The following MMP26 variants were observed in gnomAD, a reference collection of about 807,000 sequenced individuals.
MMP26 encodes the protein matrix metalloproteinase-26.
Under a neutral mutation model 31.0 loss-of-function variants are expected in MMP26, and 33 were observed. The ratio of observed to expected loss-of-function variants is 1.06; its 90% CI spans 0.81 to 1.42. The LOEUF is 1.42. Ranked by LOEUF, MMP26 falls within the 40% of genes most tolerant of loss-of-function variation. MMP26 has a pLI of 0.00. For missense variants in MMP26, 347 were observed against 316.1 expected, an observed-to-expected ratio of 1.10 and a Z score of -0.74; for synonymous variants, 122 against 114.9, an observed-to-expected ratio of 1.06 and a Z score of -0.40.
At chr11:4,774,745 G>T (rs529030984) in intron 2 of MMP26, among the ~76,000 whole-genome samples, 12 of 152,174 alleles carry the variant, frequency 7.9e-5, no homozygotes, top group African/African-American at 2.4e-4. Flanking sequence ...TTCTTCTAGG[G>T]TTTTTATAGT....
chr11:4,741,434 A>T (rs1004580907), intron 1 of MMP26, among the ~76,000 whole-genome samples: 3 of 152,364 alleles, frequency 2.0e-5, no homozygotes, highest in Admixed American at 6.5e-5. Context: ...GGGTAAAGAA[A>T]ATATGGTACA....
At chr11:4,925,955 G>A (rs1418367329) in intron 2 of MMP26, among the ~76,000 whole-genome samples, 1 of 152,046 alleles carries the variant, frequency 6.6e-6, no homozygotes, top group African/African-American at 2.4e-5. Flanking sequence ...TATATTCTGT[G>A]CCATTTCCCT....
chr11:4,764,653 G>T (rs921378719), intron 1 of MMP26, among the ~76,000 whole-genome samples: 1 of 152,288 alleles, frequency 6.6e-6, no homozygotes, highest in African/African-American at 2.4e-5. Context: ...GGTGGATCAC[G>T]AGGTCAGGAG....
At chr11:4,758,988 G>A (rs1360254715) in intron 1 of MMP26, among the ~76,000 whole-genome samples, 2 of 151,542 alleles carry the variant, frequency 1.3e-5, no homozygotes, top group Admixed American at 1.3e-4. Flanking sequence ...GTGCATGCCT[G>A]TAATCACAGC....
chr11:4,822,100 G>C (rs748019475), intron 2 of MMP26: 16 of 1,613,142 alleles, frequency 9.9e-6, no homozygotes, highest in Non-Finnish European at 1.4e-5. Flanking sequence ...CATTCGATCT[G>C]TCCTCAGCAT....
intron 2 of MMP26, among the ~76,000 whole-genome samples, chr11:4,977,142 C>T: frequency 6.6e-6 from 1 of 151,128 alleles, no homozygotes; most frequent in Non-Finnish European, 1.5e-5. Context: ...TCTTGTGTTA[C>T]TCATATTTGT....
chr11:4,918,349 G>C (rs1851129703), intron 2 of MMP26, among the ~76,000 whole-genome samples: 1 of 152,098 alleles, frequency 6.6e-6, no homozygotes, highest in South Asian at 2.1e-4. Context: ...TAAATGTCTG[G>C]ATCACATCTT....
chr11:4,938,161 A>G (rs1420798401), intron 2 of MMP26: 1 of 152,160 alleles, frequency 6.6e-6, no homozygotes, highest in Non-Finnish European at 1.5e-5. Flanking sequence ...GAGGACGGTA[A>G]AATTACCCAT....
intron 2 of MMP26, among the ~76,000 whole-genome samples, chr11:4,888,721 A>C (rs1002912413): frequency 8.5e-5 from 13 of 152,186 alleles, no homozygotes; most frequent in African/African-American, 3.1e-4. Flanking sequence ...ATGATAAGGC[A>C]AAAGAATTCC....
chr11:4,764,518 C>T (rs778514908), intron 1 of MMP26, among the ~76,000 whole-genome samples: 58 of 152,154 alleles, frequency 3.8e-4, no homozygotes, highest in Non-Finnish European at 4.9e-4. Context: ...GAGATACTCT[C>T]TTAGGATGAT....
intron 2 of MMP26, among the ~76,000 whole-genome samples, chr11:4,929,951 T>C (rs1851323535): frequency 6.6e-6 from 1 of 152,108 alleles, no homozygotes; most frequent in Non-Finnish European, 1.5e-5. Context: ...AGCAATATGA[T>C]AAAAACAATC....
intron 2 of MMP26, among the ~76,000 whole-genome samples, chr11:4,885,004 T>C (rs907429578): frequency 5.3e-5 from 8 of 152,126 alleles, no homozygotes; most frequent in Non-Finnish European, 7.4e-5. Context: ...TTTCTTCCAG[T>C]TTTATGGCAG....
chr11:4,731,055 C>A (rs1449749823), intron 1 of MMP26, among the ~76,000 whole-genome samples: 3 of 152,124 alleles, frequency 2.0e-5, no homozygotes, highest in Non-Finnish European at 4.4e-5. Flanking sequence ...AGTGATTCTC[C>A]TGCCTCAGCC....
chr11:4,826,922 TC>T (rs933735039), intron 2 of MMP26, among the ~76,000 whole-genome samples: 1 of 152,130 alleles, frequency 6.6e-6, no homozygotes, highest in African/African-American at 2.4e-5. Context: ...ATCCATTGGA[TC>T]CTTTTTCCCA....
chr11:4,793,819 T>C (rs899294326), intron 2 of MMP26: 1 of 152,174 alleles, frequency 6.6e-6, no homozygotes. Context: ...TGGATATGCT[T>C]ACTCTTTACC....
intron 2 of MMP26, among the ~76,000 whole-genome samples, chr11:4,857,938 C>T (rs1210418244): frequency 1.3e-5 from 2 of 152,080 alleles, no homozygotes; most frequent in African/African-American, 2.4e-5. Context: ...AATCAATAAA[C>T]GTAATCCATC....
At chr11:4,777,743 A>T (rs1848807665) in intron 2 of MMP26, among the ~76,000 whole-genome samples, 1 of 152,012 alleles carries the variant, frequency 6.6e-6, no homozygotes, top group Admixed American at 6.6e-5. Context: ...GTGTCTGAGA[A>T]ATTCTTCCAC....
chr11:4,991,939 C>CT (rs137983092), intron 6 of MMP26, 25 bp from the exon 7 acceptor site: 13,739 of 1,298,460 alleles, frequency 0.011, 3 homozygotes, highest in Middle Eastern at 0.014. Flanking sequence ...TTAATTTTAT[C>CT]TTTTTTTTTT....
rs1305161023 is a variant in MMP26 at position 4,949,346 on chromosome 11, AGT to A, written c.-144-38719_-144-38718del. On this transcript the variant is annotated intron_variant, in intron 2 of 7. Transcript: ENST00000380390. ...CTTAATTTACATAATATGTTTTAAA[AGT>A]GTTATTTATGTACAAAGAATATTAA... is the stretch of plus-strand genomic sequence containing the variant. Among the ~76,000 whole-genome samples, 3 of 123,562 alleles carry A rather than the reference AGT, an allele frequency of 2.4e-5. 1 individual carries two copies. In the Admixed American group the frequency reaches 2.8e-4, roughly 11 times the overall value. The allele number at this position is 123,562 out of a possible 152,430, so 81.1% of individuals were successfully genotyped here. A position where few individuals can be genotyped will look rare whatever the true frequency, so the allele number is the denominator to read the frequency against.
Sources: gnomAD v4.1 joint callset for allele counts (sites outside exome capture counted in the v4.1 genomes callset) on GRCh38, gnomAD v4.1.1 for gene constraint, MANE v1.5 for transcripts, NCBI Gene and HGNC (gene_info 2026-07-23, HGNC 2026-07-21) for gene names.